Variants in GRIA3 observed in about 807,000 individuals in gnomAD.
GRIA3 encodes glutamate receptor 3.
Under a neutral mutation model 63.0 loss-of-function variants are expected in GRIA3, and 3 were observed. The observed-to-expected ratio is 0.05, with a 90% confidence interval of 0.02 to 0.12. The LOEUF is 0.12. Ranked by LOEUF, GRIA3 falls within the 10% of genes least tolerant of loss-of-function variation. The pLI is 1.00. For synonymous variants in GRIA3, 274 were observed against 257.9 expected (o/e 1.06, Z -0.60); for missense variants, 347 against 700.9 (o/e 0.50, Z 5.70).
intron 2 of GRIA3, among the ~76,000 whole-genome samples, chrX:123,189,700 A>ACT (rs1172388581): frequency 1.2e-4 from 13 of 112,672 alleles, no homozygotes; most frequent in African/African-American, 3.9e-4. Context: ...ACGGAATTGT[A>ACT]CTCTAAACGC....
At chrX:123,471,163 C>T (rs747897008) in intron 13 of GRIA3, among the ~76,000 whole-genome samples, 6 of 111,401 alleles carry the variant, frequency 5.4e-5, no homozygotes, top group African/African-American at 2.0e-4. Flanking sequence ...CTTGAACTTA[C>T]TCAGGTCTTC....
chrX:123,271,985 C>T (rs5911571), intron 3 of GRIA3, among the ~76,000 whole-genome samples: 42,969 of 110,237 alleles, frequency 0.39, 7,688 homozygotes, highest in African/African-American at 0.7. Context: ...CACATACAGG[C>T]AGAGGGGGAG....
At chrX:123,330,740 A>G (rs974449252) in intron 4 of GRIA3, among the ~76,000 whole-genome samples, 1 of 111,589 alleles carries the variant, frequency 9.0e-6, no homozygotes, top group African/African-American at 3.3e-5. Flanking sequence ...TAGACTAGAG[A>G]GAGAGTCAGT....
At chrX:123,296,175 T>G (rs1182369623) in intron 3 of GRIA3, among the ~76,000 whole-genome samples, 3 of 111,135 alleles carry the variant, frequency 2.7e-5, no homozygotes, top group Non-Finnish European at 5.7e-5. Flanking sequence ...TAACTCTACA[T>G]TGGTATGCTT....
intron 3 of GRIA3, among the ~76,000 whole-genome samples, chrX:123,287,165 A>G (rs2044625454): frequency 8.9e-6 from 1 of 111,807 alleles, no homozygotes; most frequent in African/African-American, 3.3e-5. Flanking sequence ...GACAAAAACC[A>G]CATGATTATC....
intron 12 of GRIA3, among the ~76,000 whole-genome samples, chrX:123,459,831 G>A (rs1288005807): frequency 1.9e-5 from 2 of 107,607 alleles, no homozygotes; most frequent in African/African-American, 3.4e-5. Context: ...AAAAAAAAAA[G>A]GAAAGAAAAA....
At position 123,428,059 on chromosome X, in the gene GRIA3, G is replaced by C; in HGVS notation, c.1996G>C (p.Glu666Gln). The change falls in exon 12 of 16, where the codon GAG (glutamate) becomes CAG (glutamine). Residue 666 changes from glutamate (E) to glutamine (Q), a missense_variant. Coordinates refer to ENST00000620443, the MANE Select transcript of GRIA3 (RefSeq NM_007325.5). ...TGTGGAGAGGATGGTTTCTCCCATA[G>C]AGAGTGCTGAAGACTTAGCTAAACA... ...LTVERMVSPI[E>Q]SAEDLAKQTE... 2 of 1,198,655 alleles carry C rather than the reference G, an allele frequency of 1.7e-6. No individual in the cohort carries two copies. The highest frequency in any genetic ancestry group is 2.3e-6 in the Non-Finnish European group (2 of 883,817).
At chrX:123,202,220 A>T (rs1215301474) in intron 2 of GRIA3, among the ~76,000 whole-genome samples, 1 of 112,295 alleles carries the variant, frequency 8.9e-6, no homozygotes, top group Non-Finnish European at 1.9e-5. Context: ...TCAGGTACTC[A>T]GTAAATATAT....
intron 2 of GRIA3, among the ~76,000 whole-genome samples, chrX:123,228,188 G>A (rs901732995): frequency 8.9e-6 from 1 of 111,924 alleles, no homozygotes; most frequent in Admixed American, 9.5e-5. Context: ...GTCAATGAAA[G>A]GATAAAAAGG....
intron 3 of GRIA3, among the ~76,000 whole-genome samples, chrX:123,269,973 G>C (rs1212933318): frequency 8.9e-6 from 1 of 112,503 alleles, no homozygotes; most frequent in Non-Finnish European, 1.9e-5. Flanking sequence ...TGAAGTCAGT[G>C]GCTCCACCAA....
intron 3 of GRIA3, among the ~76,000 whole-genome samples, chrX:123,307,666 T>G (rs2044763504): frequency 9.0e-6 from 1 of 111,485 alleles, no homozygotes; most frequent in South Asian, 3.8e-4. Context: ...GACTGATGAC[T>G]GTCCTCTGGA....
chrX:123,255,541 T>G (rs1231452275), intron 3 of GRIA3, among the ~76,000 whole-genome samples: 5 of 107,146 alleles, frequency 4.7e-5, no homozygotes, highest in Non-Finnish European at 9.6e-5. Flanking sequence ...CCACCAACAG[T>G]GTACCTCTCA....
At chrX:123,192,115 G>A (rs948534065) in intron 2 of GRIA3, among the ~76,000 whole-genome samples, 1 of 111,603 alleles carries the variant, frequency 9.0e-6, no homozygotes, top group Non-Finnish European at 1.9e-5. Flanking sequence ...GGCATAGGCA[G>A]GTTCAACTTC....
intron 10 of GRIA3, among the ~76,000 whole-genome samples, chrX:123,405,152 A>G (rs1259569410): frequency 3.6e-5 from 4 of 112,318 alleles, no homozygotes; most frequent in Non-Finnish European, 5.6e-5. Context: ...ATTTGGCAAC[A>G]TTAAGCACAG....
intron 2 of GRIA3, among the ~76,000 whole-genome samples, chrX:123,207,582 T>C (rs1488964237): frequency 8.9e-6 from 1 of 112,251 alleles, no homozygotes; most frequent in Admixed American, 9.4e-5. Context: ...TCCTTTCAGA[T>C]TCGGCAAAGG....
chrX:123,333,497 A>G (rs1365727475), intron 4 of GRIA3, among the ~76,000 whole-genome samples: 1 of 111,738 alleles, frequency 8.9e-6, no homozygotes, highest in East Asian at 2.8e-4. Context: ...TTTCTTTTTT[A>G]AGTATTTGTA....
At chrX:123,293,398 T>C (rs1383118510) in intron 3 of GRIA3, among the ~76,000 whole-genome samples, 1 of 110,666 alleles carries the variant, frequency 9.0e-6, no homozygotes, top group Non-Finnish European at 1.9e-5. Context: ...AAGTAGAAGG[T>C]TTGAGGAAGG....
chrX:123,191,316 C>G (rs1171567944), intron 2 of GRIA3, among the ~76,000 whole-genome samples: 1 of 111,802 alleles, frequency 8.9e-6, no homozygotes, highest in Admixed American at 9.4e-5. Context: ...AATTAAAACC[C>G]CAGGTGGGGG....
At chrX:123,399,102 G>T (rs2045430393) in intron 7 of GRIA3, among the ~76,000 whole-genome samples, 1 of 111,164 alleles carries the variant, frequency 9.0e-6, no homozygotes. Context: ...AAAAGTTACA[G>T]ATTGAATATA....
Sources: gnomAD v4.1 joint callset for allele counts (sites outside exome capture counted in the v4.1 genomes callset) on GRCh38, gnomAD v4.1.1 for gene constraint, MANE v1.5 for transcripts, NCBI Gene and HGNC (gene_info 2026-07-23, HGNC 2026-07-21) for gene names.